Variants in WDFY4 observed in about 807,000 individuals in gnomAD.
WDFY4 encodes WD repeat- and FYVE domain-containing protein 4.
WDFY4 carries 169 observed loss-of-function variants against 351.9 expected under a neutral mutation model. The observed-to-expected ratio is 0.48, with a 90% CI of 0.42 to 0.55. WDFY4 has a LOEUF of 0.55. WDFY4 is among the 20% of genes least tolerant of loss of function. WDFY4 has a pLI of 0.00. For missense variants in WDFY4, 3,803 were observed against 3,935.6 expected, an observed-to-expected ratio of 0.97 and a Z score of 0.90; for synonymous variants, 1,622 against 1,574.6, an observed-to-expected ratio of 1.03 and a Z score of -0.71.
chr10:48,851,307 G>T (rs2068950838), intron 39 of WDFY4, among the ~76,000 whole-genome samples: 5 of 152,190 alleles, frequency 3.3e-5, no homozygotes, highest in Admixed American at 3.3e-4. Context: ...TCCTCCATAT[G>T]TGGATGCTTA....
intron 47 of WDFY4, among the ~76,000 whole-genome samples, chr10:48,916,495 A>C (rs894930245): frequency 4.6e-5 from 7 of 152,144 alleles, no homozygotes; most frequent in African/African-American, 1.7e-4. Flanking sequence ...CTTTGACCAA[A>C]CTGTGGTCCT....
chr10:48,971,393 G>A (rs577478267), intron 57 of WDFY4, among the ~76,000 whole-genome samples: 1 of 152,000 alleles, frequency 6.6e-6, no homozygotes, highest in Admixed American at 6.5e-5. Context: ...CTACTCAGGA[G>A]ACTGAGGCAG....
chr10:48,839,088 C>G (rs2068509061), intron 39 of WDFY4, among the ~76,000 whole-genome samples: 1 of 152,180 alleles, frequency 6.6e-6, no homozygotes, highest in African/African-American at 2.4e-5. Context: ...GAGCAGCACT[C>G]CAGGCACAGG....
intron 40 of WDFY4, among the ~76,000 whole-genome samples, chr10:48,867,727 G>A (rs1397998161): frequency 6.6e-6 from 1 of 152,236 alleles, no homozygotes; most frequent in Non-Finnish European, 1.5e-5. Context: ...GACTGTGGCT[G>A]ATAGAGAATG....
At chr10:48,827,357 T>C (rs1482122705) in intron 36 of WDFY4, among the ~76,000 whole-genome samples, 1 of 151,676 alleles carries the variant, frequency 6.6e-6, no homozygotes, top group Non-Finnish European at 1.5e-5. Flanking sequence ...ATGTATGACA[T>C]AAAATCACAT....
At chr10:48,879,546 ACGCAATGCACATTTATTATCT>A (rs1260395615) in intron 43 of WDFY4, among the ~76,000 whole-genome samples, 2 of 152,216 alleles carry the variant, frequency 1.3e-5, no homozygotes, top group African/African-American at 4.8e-5. Context: ...AGTGATTTTA[ACGCAATGCACATTTATTATCT>A]CGAAAGTCTT....
intron 12 of WDFY4, among the ~76,000 whole-genome samples, chr10:48,749,226 A>G (rs1213336369): frequency 6.6e-6 from 1 of 152,186 alleles, no homozygotes; most frequent in Non-Finnish European, 1.5e-5. Context: ...TAATTCCAAA[A>G]ATATATCTAT....
At chr10:48,915,347 G>C (rs143375384) in intron 47 of WDFY4, among the ~76,000 whole-genome samples, 2 of 151,960 alleles carry the variant, frequency 1.3e-5, no homozygotes, top group African/African-American at 4.8e-5. Flanking sequence ...GGAAGAGGAC[G>C]CAACTCTGTT....
rs572611064 is a variant in WDFY4 at position 48,796,582 on chromosome 10, C to T, written c.4410+132C>T. On this transcript the variant is annotated intron_variant, in intron 24 of 61. Transcript: ENST00000325239. Reference sequence around the variant, plus strand: ...GATGGTAGGGAGAGGGAAAACCAAACGAGCCTGCCCAGAGGCCCTGGTTTG... The same window carrying T: ...GATGGTAGGGAGAGGGAAAACCAAATGAGCCTGCCCAGAGGCCCTGGTTTG... 2.5e-4 allele frequency: 320 copies of T among 1,279,040 alleles called. No individual in the cohort carries two copies. In the Middle Eastern group the frequency reaches 2.8e-3, roughly 11 times the overall value. The allele number at this position is 1,279,040 out of a possible 1,614,324, so 79.2% of individuals were successfully genotyped here. A position where few individuals can be genotyped will look rare whatever the true frequency, so the allele number is the denominator to read the frequency against.
At chr10:48,717,538 G>A (rs958179116) in intron 2 of WDFY4, among the ~76,000 whole-genome samples, 7 of 152,158 alleles carry the variant, frequency 4.6e-5, no homozygotes, top group Middle Eastern at 3.2e-3. Flanking sequence ...TTCCTCCAAT[G>A]GGGTTCTCTC....
chr10:48,955,842 G>A (rs538229581), intron 51 of WDFY4, among the ~76,000 whole-genome samples: 8 of 152,250 alleles, frequency 5.3e-5, no homozygotes, highest in African/African-American at 1.7e-4. Context: ...AGGGAGTGGC[G>A]GGCACAGAGT....
At chr10:48,908,235 C>G (rs1837724362) in intron 47 of WDFY4, among the ~76,000 whole-genome samples, 2 of 152,312 alleles carry the variant, frequency 1.3e-5, no homozygotes, top group African/African-American at 4.8e-5. Context: ...CTTCCACAAC[C>G]TTTATGCTCC....
intron 42 of WDFY4, among the ~76,000 whole-genome samples, chr10:48,875,510 G>T (rs2069962781): frequency 6.6e-6 from 1 of 152,168 alleles, no homozygotes; most frequent in Non-Finnish European, 1.5e-5. Flanking sequence ...CACCTCCTGG[G>T]CTCACACAAT....
At chr10:48,725,240 G>A (rs1741014180) in intron 5 of WDFY4, among the ~76,000 whole-genome samples, 1 of 152,204 alleles carries the variant, frequency 6.6e-6, no homozygotes, top group South Asian at 2.1e-4. Context: ...TGTGATATTT[G>A]TCACACTGGC....
At chr10:48,798,331 A>C (rs1025469389) in intron 24 of WDFY4, among the ~76,000 whole-genome samples, 1 of 152,112 alleles carries the variant, frequency 6.6e-6, no homozygotes, top group Non-Finnish European at 1.5e-5. Context: ...AAAAAAAAAC[A>C]TACAGAGGAT....
At chr10:48,823,380 CCT>C in intron 35 of WDFY4, 1 of 1,236,436 alleles carries the variant, frequency 8.1e-7, no homozygotes, top group Non-Finnish European at 1.0e-6. Flanking sequence ...CTGGTTATGC[CCT>C]CTGCAGCAGA....
Position 48,877,118 on chromosome 10 carries a change from C to G in WDFY4, c.7086C>G (p.His2362Gln), listed in dbSNP as rs924322899. 1 of 1,549,888 alleles carries G rather than the reference C, an allele frequency of 6.5e-7. No individual in the cohort carries two copies. The highest frequency in any genetic ancestry group is 8.7e-7 in the Non-Finnish European group (1 of 1,146,268). ...CTQLTFFPALHESLHSEDFLE... is the reference protein window; with the variant it reads ...CTQLTFFPALQESLHSEDFLE... ...AGCTGACCTTCTTCCCAGCCTTACACGAAAGTCTGCACTCAGAAGACTTCT... is the reference window on the plus strand; with the variant it reads ...AGCTGACCTTCTTCCCAGCCTTACAGGAAAGTCTGCACTCAGAAGACTTCT... The change falls in exon 43 of 62, where the codon CAC (histidine) becomes CAG (glutamine). Residue 2362 changes from histidine to glutamine, a missense_variant. Around this residue, in one of 3 missense-constraint regions of WDFY4, gnomAD observed 3,054 missense variants for 3,148.6 expected, o/e 0.97. Transcript: ENST00000325239.
intron 47 of WDFY4, among the ~76,000 whole-genome samples, chr10:48,936,924 GT>G (rs1414974105): frequency 7.4e-6 from 1 of 135,842 alleles, no homozygotes; most frequent in Non-Finnish European, 1.7e-5. Flanking sequence ...TAAACTTCAG[GT>G]TTTGTTTTTT....
chr10:48,738,316 T>C (rs562087850), intron 11 of WDFY4, among the ~76,000 whole-genome samples: 1 of 152,374 alleles, frequency 6.6e-6, no homozygotes, highest in South Asian at 2.1e-4. Flanking sequence ...CCTTGGGCAA[T>C]AGGACTAAAT....
Sources: allele counts gnomAD v4.1 joint callset (sites outside exome capture counted in the v4.1 genomes callset), GRCh38; gene constraint gnomAD v4.1.1; regional missense constraint gnomAD v4.1.1; transcripts MANE v1.5; gene names NCBI Gene and HGNC (gene_info 2026-07-23, HGNC 2026-07-21).